CSMD1: variants seen among roughly 807,000 people sequenced by gnomAD.
CSMD1 encodes the protein CUB and Sushi multiple domains 1, also known as CUB and sushi domain-containing protein 1.
Under a neutral mutation model 417.5 loss-of-function variants are expected in CSMD1, and 213 were observed. That is an observed-to-expected ratio of 0.51 (90% CI 0.46 to 0.57). CSMD1 has a LOEUF of 0.57. Among genes scored for constraint, CSMD1 ranks in the 20% least tolerant of loss-of-function variants. CSMD1 has a pLI of 0.00. For missense variants in CSMD1, 6,923 were observed against 4,529.7 expected, an observed-to-expected ratio of 1.53 and a Z score of -15.17; for synonymous variants, 2,862 against 1,736.8, an observed-to-expected ratio of 1.65 and a Z score of -16.11.
At chr8:4,294,720 A>G (rs188802265) in intron 3 of CSMD1, among the ~76,000 whole-genome samples, 49 of 152,246 alleles carry the variant, frequency 3.2e-4, no homozygotes, top group African/African-American at 1.2e-3. Flanking sequence ...CTTCTCATAT[A>G]ATCTATTTTT....
At chr8:4,189,740 A>G (rs1009139808) in intron 3 of CSMD1, among the ~76,000 whole-genome samples, 5 of 152,212 alleles carry the variant, frequency 3.3e-5, no homozygotes, top group African/African-American at 9.6e-5. Flanking sequence ...TTTTGACATT[A>G]GAAATCTTGA....
chr8:4,737,228 C>G (rs1219421191), intron 1 of CSMD1, among the ~76,000 whole-genome samples: 2 of 152,056 alleles, frequency 1.3e-5, no homozygotes, highest in African/African-American at 4.8e-5. Flanking sequence ...AGCAAACTAA[C>G]ACGGGAACAG....
chr8:4,892,097 A>G (rs1189860017), intron 1 of CSMD1, among the ~76,000 whole-genome samples: 1 of 151,972 alleles, frequency 6.6e-6, no homozygotes, highest in African/African-American at 2.4e-5. Context: ...AGAACTTGCT[A>G]TTTTCTTCCT....
At chr8:3,786,348 C>G (rs77711871) in intron 5 of CSMD1, among the ~76,000 whole-genome samples, 4 of 152,104 alleles carry the variant, frequency 2.6e-5, no homozygotes, top group South Asian at 2.1e-4. Context: ...ACTGAGACCA[C>G]GGGCTTGGGT....
At chr8:4,543,832 G>A (rs1362176057) in intron 2 of CSMD1, among the ~76,000 whole-genome samples, 2 of 152,000 alleles carry the variant, frequency 1.3e-5, no homozygotes, top group Non-Finnish European at 2.9e-5. Flanking sequence ...ATTCTACTAG[G>A]AATGTGGTGG....
intron 1 of CSMD1, among the ~76,000 whole-genome samples, chr8:4,784,708 A>G (rs28451682): frequency 0.036 from 5,507 of 152,306 alleles, 350 homozygotes; most frequent in African/African-American, 0.13. Flanking sequence ...GAATGTAGAT[A>G]ATGTATTGGA....
At chr8:3,752,676 C>CAAAAAAAAAA (rs200769696) in intron 6 of CSMD1, among the ~76,000 whole-genome samples, 8 of 96,974 alleles carry the variant, frequency 8.2e-5, no homozygotes, top group Non-Finnish European at 9.7e-5. Context: ...CCCCGCCTGG[C>CAAAAAAAAAA]AAAAAAAAAA....
intron 1 of CSMD1, among the ~76,000 whole-genome samples, chr8:4,969,384 G>A (rs1302262959): frequency 6.6e-6 from 1 of 151,630 alleles, no homozygotes; most frequent in African/African-American, 2.4e-5. Flanking sequence ...AACGAGATGG[G>A]GATGCTCTTG....
intron 3 of CSMD1, among the ~76,000 whole-genome samples, chr8:4,244,141 T>G (rs983879167): frequency 5.3e-5 from 8 of 152,128 alleles, no homozygotes; most frequent in African/African-American, 1.7e-4. Context: ...GCAGCACAAG[T>G]AGATTTGTGC....
At chr8:3,259,036 G>C (rs1469893440) in intron 26 of CSMD1, among the ~76,000 whole-genome samples, 1 of 152,080 alleles carries the variant, frequency 6.6e-6, no homozygotes, top group African/African-American at 2.4e-5. Flanking sequence ...AGGCACAAAG[G>C]TACTCCAGAG....
chr8:4,278,900 C>A (rs1021692824), intron 3 of CSMD1, among the ~76,000 whole-genome samples: 1 of 152,200 alleles, frequency 6.6e-6, no homozygotes, highest in African/African-American at 2.4e-5. Context: ...GCTAGGATAA[C>A]TTCTCTGAAA....
At chr8:3,349,519 G>A (rs568208992) in intron 21 of CSMD1, among the ~76,000 whole-genome samples, 3 of 152,052 alleles carry the variant, frequency 2.0e-5, no homozygotes, top group East Asian at 3.9e-4. Context: ...CAGAAAAGCA[G>A]GCTTTGGATG....
chr8:4,602,635 T>C (rs1359253140), intron 2 of CSMD1, among the ~76,000 whole-genome samples: 2 of 152,208 alleles, frequency 1.3e-5, no homozygotes, highest in Non-Finnish European at 2.9e-5. Flanking sequence ...AGGCGTATTT[T>C]CTTATCATGT....
At chr8:3,129,604 C>T (rs976253352) in intron 41 of CSMD1, among the ~76,000 whole-genome samples, 2 of 145,660 alleles carry the variant, frequency 1.4e-5, no homozygotes, top group Non-Finnish European at 3.0e-5. Flanking sequence ...GTGAAACCTT[C>T]TCTATACTAA....
Position 2,974,431 on chromosome 8 carries a change from T to C in CSMD1, c.8740+20A>G. 1 of 1,516,066 alleles carries C rather than the reference T, an allele frequency of 6.6e-7. No individual in the cohort carries two copies. The highest frequency in any genetic ancestry group is 8.9e-7 in the Non-Finnish European group (1 of 1,125,972). The allele number at this position is 1,516,066 out of a possible 1,614,324, so 93.9% of individuals were successfully genotyped here. On this transcript the variant is annotated intron_variant, in intron 56 of 69. Coordinates refer to ENST00000635120, the MANE Select transcript of CSMD1 (RefSeq NM_033225.6). ...TATTTGAAATCTGTAATTCTGTCAG[T>C]TCACTCGTAAGCCCCTCACCTGTGC... is the stretch of plus-strand genomic sequence containing the variant.
chr8:3,540,540 A>G (rs1454352093), intron 10 of CSMD1, among the ~76,000 whole-genome samples: 1 of 152,236 alleles, frequency 6.6e-6, no homozygotes, highest in Non-Finnish European at 1.5e-5. Flanking sequence ...ATGGGATCTA[A>G]TTAAAGTAAA....
intron 1 of CSMD1, among the ~76,000 whole-genome samples, chr8:4,695,252 C>A (rs770014899): frequency 6.6e-6 from 1 of 152,204 alleles, no homozygotes; most frequent in Non-Finnish European, 1.5e-5. Context: ...CTGAGCACTG[C>A]AGTTCTACCA....
At chr8:4,645,529 G>A (rs1301823035) in intron 1 of CSMD1, among the ~76,000 whole-genome samples, 1 of 147,776 alleles carries the variant, frequency 6.8e-6, no homozygotes, top group Non-Finnish European at 1.5e-5. Flanking sequence ...TTGCTGCATG[G>A]AGCATTAAGC....
chr8:4,889,357 C>T (rs528558176), intron 1 of CSMD1, among the ~76,000 whole-genome samples: 68 of 152,200 alleles, frequency 4.5e-4, no homozygotes, highest in Non-Finnish European at 7.8e-4. Context: ...AATGTGTCAA[C>T]CTCTTGAAAG....
Sources: gnomAD v4.1 joint callset for allele counts (sites outside exome capture counted in the v4.1 genomes callset) on GRCh38, gnomAD v4.1.1 for gene constraint, MANE v1.5 for transcripts, NCBI Gene and HGNC (gene_info 2026-07-23, HGNC 2026-07-21) for gene names.